WWC2: variants seen among roughly 807,000 people sequenced by gnomAD.
WWC2 encodes WW and C2 domain containing 2.
Under a neutral mutation model 138.5 loss-of-function variants are expected in WWC2, and 101 were observed. The observed-to-expected ratio is 0.73, with a 90% CI of 0.62 to 0.86. The LOEUF (loss-of-function observed/expected upper bound fraction) is 0.86, where lower values mean the gene tolerates loss of function less well. Among genes scored for constraint, WWC2 ranks in the 40% least tolerant of loss-of-function variants. WWC2 has a pLI of 0.00. For missense variants in WWC2, 1,420 were observed against 1,419.4 expected (o/e 1.00, Z -0.01); for synonymous variants, 558 against 538.4 (o/e 1.04, Z -0.50).
chr4:183,261,661 T>A, intron 11 of WWC2, 129 bp downstream of exon 11: 1 of 1,153,368 alleles, frequency 8.7e-7, no homozygotes, highest in Non-Finnish European at 1.2e-6. Context: ...TCGTTTTGGC[T>A]TCATTTAAGA....
chr4:183,163,051 A>G (rs1734006414), intron 1 of WWC2, among the ~76,000 whole-genome samples: 1 of 152,214 alleles, frequency 6.6e-6, no homozygotes, highest in Admixed American at 6.5e-5. Flanking sequence ...AGCGATTTCC[A>G]TTAGGGACAA....
intron 4 of WWC2, among the ~76,000 whole-genome samples, chr4:183,230,958 A>T (rs77125928): frequency 0.012 from 1,886 of 152,294 alleles, 14 homozygotes; most frequent in South Asian, 0.022. Context: ...TGATAGAAAA[A>T]ATCTGAATGG....
intron 2 of WWC2, among the ~76,000 whole-genome samples, chr4:183,197,281 T>A (rs1735170743): frequency 6.6e-6 from 1 of 152,206 alleles, no homozygotes; most frequent in Admixed American, 6.5e-5. Flanking sequence ...CAGCAAACAG[T>A]TCACCCACTG....
chr4:183,122,034 T>C (rs952259678), intron 1 of WWC2, among the ~76,000 whole-genome samples: 18 of 151,680 alleles, frequency 1.2e-4, no homozygotes, highest in African/African-American at 4.1e-4. Flanking sequence ...ATCCGCCCGC[T>C]TCCGCCTCCC....
At chr4:183,156,324 CCCT>C (rs1733803487) in intron 1 of WWC2, among the ~76,000 whole-genome samples, 1 of 135,760 alleles carries the variant, frequency 7.4e-6, no homozygotes. Context: ...CCATGCCTGG[CCCT>C]TTGTTCTTTT....
At chr4:183,131,107 A>G (rs1246021320) in intron 1 of WWC2, among the ~76,000 whole-genome samples, 1 of 152,210 alleles carries the variant, frequency 6.6e-6, no homozygotes, top group Non-Finnish European at 1.5e-5. Context: ...AAAAGCTCAA[A>G]TGCTGTTTAA....
In WWC2 at chr4:183,316,775, G is replaced by A. The variant is rs1322111816; in HGVS notation, c.*1046G>A. On this transcript the variant is annotated 3_prime_UTR_variant, in exon 23 of 23. Coordinates refer to ENST00000403733, the MANE Select transcript of WWC2 (RefSeq NM_024949.6). ...AACATTTAGTAGAAACTACTTCATA[G>A]CTCTCATTTTTAGGGGGTTCTATCT... 6.6e-6 allele frequency: 1 copy of A among 152,170 alleles called. No individual in the cohort carries two copies. Among genetic ancestry groups the A allele is most frequent in the Admixed American group, 6.5e-5 (1 of 15,284 alleles). The allele number at this position is 152,170 out of a possible 1,614,324, so 9.4% of individuals were successfully genotyped here.
At chr4:183,185,936 T>C (rs1734782542) in intron 1 of WWC2, among the ~76,000 whole-genome samples, 1 of 151,480 alleles carries the variant, frequency 6.6e-6, no homozygotes, top group Admixed American at 6.6e-5. Context: ...AATTTGACCT[T>C]TAACATAGAT....
intron 4 of WWC2, among the ~76,000 whole-genome samples, chr4:183,233,338 G>A (rs146023636): frequency 0.01 from 1,539 of 151,224 alleles, 30 homozygotes; most frequent in African/African-American, 0.036. Flanking sequence ...GTATTTTTTA[G>A]TAGAGACAGG....
At chr4:183,139,471 CAG>C (rs1166365445) in intron 1 of WWC2, among the ~76,000 whole-genome samples, 1 of 152,166 alleles carries the variant, frequency 6.6e-6, no homozygotes, top group Non-Finnish European at 1.5e-5. Flanking sequence ...TTTTCCATCT[CAG>C]TAAATGTCAA....
intron 22 of WWC2, among the ~76,000 whole-genome samples, chr4:183,313,950 T>C (rs1251020327): frequency 6.6e-6 from 1 of 151,748 alleles, no homozygotes; most frequent in Non-Finnish European, 1.5e-5. Context: ...AGGTTTTGTA[T>C]AGACGAGTCT....
At chr4:183,145,229 T>C (rs1264416322) in intron 1 of WWC2, among the ~76,000 whole-genome samples, 2 of 152,222 alleles carry the variant, frequency 1.3e-5, no homozygotes, top group African/African-American at 4.8e-5. Flanking sequence ...GTGTGTCATT[T>C]GTAACATTTA....
At position 183,271,164 on chromosome 4, in the gene WWC2, A is replaced by G; in HGVS notation, c.2485A>G (p.Met829Val). 1.9e-6 allele frequency: 3 copies of G among 1,613,128 alleles called. No homozygotes were observed. Among genetic ancestry groups the G allele is most frequent in the Non-Finnish European group, 2.5e-6 (3 of 1,179,508 alleles). ...LWYNLLPSKQ[M>V]PCKKNEENED... ...GTATAACTTGCTTCCTTCCAAGCAA[A>G]TGCCTTGCAAAAAGAATGAAGAAAA... Residue 829 changes from methionine to valine, a missense_variant, in exon 16 of 23, where the codon ATG (methionine) becomes GTG (valine). Transcript: ENST00000403733.
intron 1 of WWC2, among the ~76,000 whole-genome samples, chr4:183,183,411 C>T (rs1394564257): frequency 2.6e-5 from 4 of 152,052 alleles, no homozygotes; most frequent in African/African-American, 9.7e-5. Context: ...AGGACTGTAT[C>T]GAGTTACAAA....
intron 21 of WWC2, among the ~76,000 whole-genome samples, chr4:183,290,571 A>C: frequency 6.6e-6 from 1 of 152,180 alleles, no homozygotes; most frequent in East Asian, 1.9e-4. Flanking sequence ...TTTGGCACCT[A>C]CATACTACTG....
At chr4:183,114,810 G>A (rs747646420) in intron 1 of WWC2, among the ~76,000 whole-genome samples, 17 of 151,886 alleles carry the variant, frequency 1.1e-4, no homozygotes, top group Non-Finnish European at 2.2e-4. Context: ...CCCGTAGGTT[G>A]TTTGTTTGTT....
intron 21 of WWC2, among the ~76,000 whole-genome samples, chr4:183,296,050 G>A (rs1440090117): frequency 2.6e-5 from 4 of 152,152 alleles, no homozygotes; most frequent in Non-Finnish European, 2.9e-5. Context: ...GCAGGGCACC[G>A]CCTAAAAATG....
chr4:183,205,838 G>T (rs1735431656), intron 2 of WWC2, among the ~76,000 whole-genome samples: 1 of 152,174 alleles, frequency 6.6e-6, no homozygotes, highest in Non-Finnish European at 1.5e-5. Context: ...TCACAGCCCT[G>T]TGTGAGCTCG....
intron 4 of WWC2, among the ~76,000 whole-genome samples, chr4:183,210,297 G>A (rs975513906): frequency 8.5e-5 from 13 of 152,124 alleles, no homozygotes; most frequent in African/African-American, 3.1e-4. Context: ...GGTGAGGGGA[G>A]ATGAAATGGT....
Sources: gnomAD v4.1 joint callset for allele counts (sites outside exome capture counted in the v4.1 genomes callset) on GRCh38, gnomAD v4.1.1 for gene constraint, MANE v1.5 for transcripts, NCBI Gene and HGNC (gene_info 2026-07-23, HGNC 2026-07-21) for gene names.